Variants in B9D1 observed in about 807,000 individuals in gnomAD.
B9D1 encodes the protein B9 domain containing 1.
Under a neutral mutation model 26.1 loss-of-function variants are expected in B9D1, and 20 were observed. The observed-to-expected ratio is 0.77, with a 90% CI of 0.54 to 1.12. The LOEUF is 1.12. B9D1 is among the 50% of genes most tolerant of loss of function. The pLI is 0.00. For synonymous variants in B9D1, 105 were observed against 103.1 expected (o/e 1.02, Z -0.11); for missense variants, 260 against 273.7 (o/e 0.95, Z 0.35).
chr17:19,337,659 G>C (rs11652712), downstream of B9D1: 651 of 1,502,306 alleles, frequency 4.3e-4, 8 homozygotes, highest in East Asian at 0.015. Flanking sequence ...GGCTTCCCGC[G>C]GAAGTTTCTC....
intron 2 of B9D1, 104 bp from the exon 3 acceptor site, chr17:19,358,055 T>C: frequency 1.2e-6 from 1 of 808,174 alleles, no homozygotes; most frequent in Non-Finnish European, 2.1e-6. Flanking sequence ...TTTTCTCAGC[T>C]GTCTTCTCCC....
Position 19,347,669 on chromosome 17 carries a change from G to T in B9D1, c.341+115C>A. On this transcript the variant is annotated intron_variant, in intron 4 of 6. Transcript: ENST00000261499. This position sits in a 1 kb window ranked among gnomAD's most constrained non-coding sequence, Gnocchi z 4.3. ...ACCCCCCTGGCCACCAGGCTGAGCT[G>T]CCCAGGCCCCTGGAGACCCCAGAGC... The T allele has an allele frequency of 9.4e-7, 1 of 1,063,476 alleles. No homozygotes were observed. The highest frequency in any genetic ancestry group is 1.4e-6 in the Non-Finnish European group (1 of 708,758). 65.9% of individuals were successfully genotyped at this position (1,063,476 alleles called of 1,614,324 possible). A position where few individuals can be genotyped will look rare whatever the true frequency, so the allele number is the denominator to read the frequency against.
chr17:19,360,682 C>G (rs544006940), intron 1 of B9D1, among the ~76,000 whole-genome samples: 1 of 152,326 alleles, frequency 6.6e-6, no homozygotes, highest in East Asian at 1.9e-4. Context: ...TTCAGGGAGC[C>G]TGCTCTAACT....
In B9D1 at chr17:19,343,383, T is replaced by A. The variant is rs1441010335; in HGVS notation, c.551A>T (p.Asp184Val). 1.9e-6 allele frequency: 3 copies of A among 1,613,950 alleles called. No individual in the cohort carries two copies. The highest frequency in any genetic ancestry group is 2.5e-6 in the Non-Finnish European group (3 of 1,179,994). Residue 184 changes from aspartate (D) to valine (V), a missense_variant, in exon 7 of 7, where the codon GAC (aspartate) becomes GTC (valine). Coordinates refer to ENST00000261499, the MANE Select transcript of B9D1 (RefSeq NM_015681.6). Reference protein sequence around the residue: ...VTKDMRKLGYDTGPSDTQGVL... With the variant: ...VTKDMRKLGYVTGPSDTQGVL... Reference sequence around the variant, plus strand: ...ACCCTGTGTATCAGAAGGCCCAGTGTCATAGCCCAGTTTCCTCATGTCCTT... The same window carrying A: ...ACCCTGTGTATCAGAAGGCCCAGTGACATAGCCCAGTTTCCTCATGTCCTT...
At chr17:19,344,439 G>A (rs745704845) in intron 5 of B9D1, 8 of 239,216 alleles carry the variant, frequency 3.3e-5, no homozygotes, top group Non-Finnish European at 6.9e-5. Context: ...CTGAGCATGC[G>A]CCCTCCCCAG....
At chr17:19,351,843 G>A (rs1176061897) in intron 3 of B9D1, among the ~76,000 whole-genome samples, 1 of 152,074 alleles carries the variant, frequency 6.6e-6, no homozygotes, top group Admixed American at 6.6e-5. Flanking sequence ...TGCAAGATCT[G>A]TAACATGTTC....
downstream of B9D1, among the ~76,000 whole-genome samples, chr17:19,338,119 A>C (rs1351055171): frequency 6.6e-6 from 1 of 152,222 alleles, no homozygotes; most frequent in East Asian, 1.9e-4. Flanking sequence ...TTCCCCCAAC[A>C]ATAACAACAA....
At chr17:19,339,542 AC>A (rs1487230984), downstream of B9D1, among the ~76,000 whole-genome samples, 3 of 151,922 alleles carry the variant, frequency 2.0e-5, no homozygotes, top group African/African-American at 7.3e-5. Flanking sequence ...GCAGAAACCC[AC>A]TCCTGATTTT....
At chr17:19,338,751 C>T (rs1021342898), downstream of B9D1, among the ~76,000 whole-genome samples, 3 of 152,314 alleles carry the variant, frequency 2.0e-5, no homozygotes, top group Middle Eastern at 3.4e-3. Context: ...CTGTCAGTAG[C>T]CCCCATGAGC....
In B9D1 at chr17:19,347,237, G is replaced by C; in HGVS notation, c.404+32C>G. The C allele has an allele frequency of 1.2e-6, 2 of 1,614,224 alleles. No individual in the cohort carries two copies. Among genetic ancestry groups the C allele is most frequent in the South Asian group, 1.1e-5 (1 of 91,086 alleles). ...GGACATCCATTCATCCAGTAGATCA[G>C]GAGGGGCTGGGGTTATGGGTACAAA... On this transcript the variant is annotated intron_variant, in intron 5 of 6. Coordinates refer to ENST00000261499, the MANE Select transcript of B9D1 (RefSeq NM_015681.6). The surrounding 1 kb of genome is among the most constrained non-coding windows in gnomAD (Gnocchi z 4.3).
chr17:19,337,649 G>A (rs1163259644), downstream of B9D1: 17 of 1,447,744 alleles, frequency 1.2e-5, no homozygotes, highest in African/African-American at 7.0e-5. Context: ...AGGTCTCAGC[G>A]GCTTCCCGCG....
chr17:19,363,173 T>C (rs191497628), upstream of B9D1: 375 of 157,152 alleles, frequency 2.4e-3, 8 homozygotes, highest in Admixed American at 0.02. Context: ...TCCAAGCAGG[T>C]GAAAAGGATG....
chr17:19,364,058 A>T (rs11204306), upstream of B9D1, among the ~76,000 whole-genome samples: 20 of 151,980 alleles, frequency 1.3e-4, no homozygotes, highest in African/African-American at 4.1e-4. The surrounding 1 kb of genome is among the most constrained non-coding windows in gnomAD (Gnocchi z 4.3). Context: ...CACACATTCT[A>T]TCAGTCTCAC....
downstream of B9D1, chr17:19,343,169 C>T (rs1361232624): frequency 6.8e-7 from 1 of 1,462,768 alleles, no homozygotes; most frequent in Non-Finnish European, 9.0e-7. Flanking sequence ...AGCCCCAGGC[C>T]TAGGCTCTCT....
At chr17:19,337,906 T>C (rs181754797), downstream of B9D1, among the ~76,000 whole-genome samples, 539 of 143,340 alleles carry the variant, frequency 3.8e-3, 4 homozygotes, top group African/African-American at 0.013. Context: ...TCCTTAGTGG[T>C]GGAGGGTGGG....
intron 5 of B9D1, among the ~76,000 whole-genome samples, chr17:19,345,008 G>T (rs1411039885): frequency 6.6e-6 from 1 of 152,212 alleles, no homozygotes; most frequent in East Asian, 1.9e-4. Flanking sequence ...TGGGGCCTGG[G>T]AGCATCCCCA....
upstream of B9D1, among the ~76,000 whole-genome samples, chr17:19,365,005 G>A (rs1911511630): frequency 6.6e-6 from 1 of 152,246 alleles, no homozygotes; most frequent in African/African-American, 2.4e-5. This position sits in a 1 kb window ranked among gnomAD's most constrained non-coding sequence, Gnocchi z 5.0. Context: ...CTGGCCATCT[G>A]CCTCCCCCAG....
rs992176838 is a variant in B9D1, at chr17:19,370,403, G to A, written c.-298+7456C>T. Among the ~76,000 whole-genome samples, 3 of 152,230 alleles carry A rather than the reference G, an allele frequency of 2.0e-5. No individual in the cohort carries two copies. Among genetic ancestry groups the A allele is most frequent in the African/African-American group, 7.2e-5 (3 of 41,472 alleles). On this transcript the variant is annotated intron_variant, in intron 1 of 5. Coordinates refer to the B9D1 transcript ENST00000477478. This position sits in a 1 kb window ranked among gnomAD's most constrained non-coding sequence, Gnocchi z 5.1. Reference sequence around the variant, plus strand: ...ATTCCAGAGAAGAGCAGAGGGCCAGGAGAAGGGGCGTGTGGCTGTGTGGTT... The same window carrying A: ...ATTCCAGAGAAGAGCAGAGGGCCAGAAGAAGGGGCGTGTGGCTGTGTGGTT...
chr17:19,337,560 G>A, downstream of B9D1: 1 of 641,688 alleles, frequency 1.6e-6, no homozygotes, highest in Non-Finnish European at 2.7e-6. Context: ...GTGGCAGGGG[G>A]TGCCCGTTCA....
Sources: allele counts gnomAD v4.1 joint callset (sites outside exome capture counted in the v4.1 genomes callset), GRCh38; gene constraint gnomAD v4.1.1; non-coding constraint Gnocchi (gnomAD v3.1); transcripts MANE v1.5; gene names NCBI Gene and HGNC (gene_info 2026-07-23, HGNC 2026-07-21).